Variants in GTPBP1 observed in about 807,000 individuals in gnomAD.
The protein encoded by GTPBP1 is GTP binding protein 1.
GTPBP1 carries 23 observed loss-of-function variants against 62.0 expected under a neutral mutation model. That is an observed-to-expected ratio of 0.37 (90% CI 0.27 to 0.53). The LOEUF is 0.53. Among genes scored for constraint, GTPBP1 ranks in the 20% least tolerant of loss-of-function variants. GTPBP1 has a pLI of 0.89. For missense variants in GTPBP1, 640 were observed against 917.3 expected, an observed-to-expected ratio of 0.70 and a Z score of 3.90; for synonymous variants, 344 against 364.4, an observed-to-expected ratio of 0.94 and a Z score of 0.64.
chr22:38,720,811 T>G (rs1417889582), intron 4 of GTPBP1, among the ~76,000 whole-genome samples: 3 of 152,228 alleles, frequency 2.0e-5, no homozygotes, highest in Non-Finnish European at 4.4e-5. Flanking sequence ...GTTGTGACAT[T>G]TAAACATCAA....
chr22:38,735,945 C>T, downstream of GTPBP1: 1 of 246,714 alleles, frequency 4.1e-6, no homozygotes, highest in South Asian at 5.2e-5. Flanking sequence ...GCACCAGCCC[C>T]TGACCCCAGC....
At chr22:38,735,273 G>A (rs935523946), downstream of GTPBP1, 1 of 455,508 alleles carries the variant, frequency 2.2e-6, no homozygotes, top group Admixed American at 2.4e-5. Context: ...AGAGCCCAAG[G>A]GGGCAGCCTG....
At chr22:38,721,257 T>C (rs953377981) in intron 4 of GTPBP1, among the ~76,000 whole-genome samples, 14 of 152,200 alleles carry the variant, frequency 9.2e-5, no homozygotes, top group Admixed American at 7.2e-4. Context: ...TTTTGTATTT[T>C]AGTAGAGACA....
rs1391715330 is a variant in GTPBP1, at chr22:38,723,589, TCC to T, written c.959-707_959-706del. ...CATCAGCCCAGAATCTTCTGCTACT[TCC>T]TCCCCTATTTAGTTCTTGGTCTGAA... On this transcript the variant is annotated intron_variant, in intron 5 of 11. Coordinates refer to ENST00000216044, the MANE Select transcript of GTPBP1 (RefSeq NM_004286.5). 4 of 568,326 alleles carry T rather than the reference TCC, an allele frequency of 7.0e-6. No individual in the cohort carries two copies. In the East Asian group the frequency reaches 8.7e-5, roughly 12 times the overall value. The allele number at this position is 568,326 out of a possible 1,614,324, so 35.2% of individuals were successfully genotyped here.
intron 2 of GTPBP1, among the ~76,000 whole-genome samples, chr22:38,710,629 AC>A (rs2092632859): frequency 6.6e-6 from 1 of 152,140 alleles, no homozygotes; most frequent in African/African-American, 2.4e-5. Flanking sequence ...CAAAAAAAAA[AC>A]ATTCCATTTG....
At position 38,727,433 on chromosome 22, in the gene GTPBP1, T is replaced by C; in HGVS notation, c.1537+85T>C. ...GTTCCAGCAACCCAGGCCCCCTAGTTCCAGCTGCAGCTGGGTGGTAGGCCT... is the reference window on the plus strand; with the variant it reads ...GTTCCAGCAACCCAGGCCCCCTAGTCCCAGCTGCAGCTGGGTGGTAGGCCT... On this transcript the variant is annotated intron_variant, in intron 9 of 11. Coordinates refer to ENST00000216044, the MANE Select transcript of GTPBP1 (RefSeq NM_004286.5). This position sits in a 1 kb window ranked among gnomAD's most constrained non-coding sequence, Gnocchi z 6.5. The C allele has an allele frequency of 2.3e-6, 3 of 1,323,322 alleles. No individual in the cohort carries two copies. The highest frequency in any genetic ancestry group is 3.1e-6 in the Non-Finnish European group (3 of 979,026). 82.0% of individuals were successfully genotyped at this position (1,323,322 alleles called of 1,614,324 possible).
chr22:38,719,941 T>A (rs1221683472), intron 4 of GTPBP1, among the ~76,000 whole-genome samples: 3 of 149,974 alleles, frequency 2.0e-5, no homozygotes, highest in Non-Finnish European at 4.5e-5. Flanking sequence ...TTTTTTTTTT[T>A]TTTTTGAGAC....
chr22:38,728,714 G>C (rs1016246582), intron 10 of GTPBP1: 2 of 155,162 alleles, frequency 1.3e-5, no homozygotes, highest in African/African-American at 4.8e-5. Flanking sequence ...GGCTGGCCTT[G>C]CCTCCAGAAA....
chr22:38,735,232 C>T (rs1214513827), downstream of GTPBP1: 9 of 455,970 alleles, frequency 2.0e-5, no homozygotes, highest in South Asian at 1.4e-4. Context: ...GAGAACAAAC[C>T]AGAAGGGCGA....
chr22:38,712,496 G>T (rs1320501852), intron 2 of GTPBP1, among the ~76,000 whole-genome samples: 1 of 152,166 alleles, frequency 6.6e-6, no homozygotes, highest in Non-Finnish European at 1.5e-5. Flanking sequence ...AGAGTCTAGG[G>T]AGTCTTTGCA....
chr22:38,741,342 G>A (rs1197347350), downstream of GTPBP1: 2 of 808,666 alleles, frequency 2.5e-6, no homozygotes, highest in Non-Finnish European at 4.0e-6. Context: ...CAACTAAGGG[G>A]TCGGGGGTCA....
At position 38,723,021 on chromosome 22, in the gene GTPBP1, C is replaced by A. The variant is rs982240311; in HGVS notation, c.958+1156C>A. ...GTAGTCTCAGGAAGTTTGCTCAAAT[C>A]TGACAAGAGTGGGATGTTCATGTGG... is the stretch of plus-strand genomic sequence containing the variant. On this transcript the variant is annotated intron_variant, in intron 5 of 11. Coordinates refer to ENST00000216044, the MANE Select transcript of GTPBP1 (RefSeq NM_004286.5). 12 of 812,410 alleles carry A rather than the reference C, an allele frequency of 1.5e-5. No homozygotes were observed. In the African/African-American group the frequency reaches 1.8e-4, roughly 12 times the overall value. The allele number at this position is 812,410 out of a possible 1,614,324, so 50.3% of individuals were successfully genotyped here. A position where few individuals can be genotyped will look rare whatever the true frequency, so the allele number is the denominator to read the frequency against.
intron 1 of GTPBP1, chr22:38,706,858 TAGGC>T (rs2092608116): frequency 6.6e-6 from 1 of 152,198 alleles, no homozygotes; most frequent in South Asian, 2.1e-4. Flanking sequence ...GTCGAGAAGG[TAGGC>T]AGGAATTAAG....
intron 2 of GTPBP1, among the ~76,000 whole-genome samples, chr22:38,710,873 A>G (rs1478122800): frequency 2.0e-5 from 3 of 151,974 alleles, no homozygotes; most frequent in African/African-American, 7.3e-5. Flanking sequence ...TGCCTTGACA[A>G]CTCACACCCC....
Position 38,726,537 on chromosome 22 carries a change from C to A in GTPBP1, c.1401+97C>A. The A allele has an allele frequency of 9.4e-7, 1 of 1,066,552 alleles. No individual in the cohort carries two copies. The highest frequency in any genetic ancestry group is 1.4e-6 in the Non-Finnish European group (1 of 715,880). The allele number at this position is 1,066,552 out of a possible 1,614,324, so 66.1% of individuals were successfully genotyped here. ...ACCCACTCTAGTCCTCATGGCTGCT[C>A]TGCAAGGTCGGGATTACTGGCTTCA... is the stretch of plus-strand genomic sequence containing the variant. On this transcript the variant is annotated intron_variant, in intron 8 of 11. Coordinates refer to ENST00000216044, the MANE Select transcript of GTPBP1 (RefSeq NM_004286.5). This position sits in a 1 kb window ranked among gnomAD's most constrained non-coding sequence, Gnocchi z 4.1.
At chr22:38,721,142 C>T (rs762209946) in intron 4 of GTPBP1, among the ~76,000 whole-genome samples, 11 of 152,158 alleles carry the variant, frequency 7.2e-5, no homozygotes, top group East Asian at 1.9e-4. Flanking sequence ...TGCAATGGCA[C>T]GATCTCGGCT....
chr22:38,740,169 G>A, downstream of GTPBP1: 1 of 1,405,704 alleles, frequency 7.1e-7, no homozygotes, highest in East Asian at 2.5e-5. The surrounding 1 kb of genome is among the most constrained non-coding windows in gnomAD (Gnocchi z 4.8). Flanking sequence ...GCATAACAGA[G>A]GCTGCAGGGG....
At chr22:38,738,199 C>T (rs1569294231), downstream of GTPBP1, 14 of 1,613,966 alleles carry the variant, frequency 8.7e-6, no homozygotes, top group East Asian at 2.2e-5. The surrounding 1 kb of genome is among the most constrained non-coding windows in gnomAD (Gnocchi z 6.6). Flanking sequence ...TGAATAGGCT[C>T]GCCGTCCTGA....
Position 38,730,558 on chromosome 22 carries a change from C to A in GTPBP1, c.1918-54C>A. ...CCCCGCTGCTCAGCACCTCTGCTCT[C>A]TGGCCCTGCTCCTGATGGGCCAGTG... On this transcript the variant is annotated intron_variant, in intron 11 of 11. Coordinates refer to ENST00000216044, the MANE Select transcript of GTPBP1 (RefSeq NM_004286.5). This position sits in a 1 kb window ranked among gnomAD's most constrained non-coding sequence, Gnocchi z 5.6. 1 of 1,208,692 alleles carries A rather than the reference C, an allele frequency of 8.3e-7. No homozygotes were observed. Among genetic ancestry groups the A allele is most frequent in the Non-Finnish European group, 1.2e-6 (1 of 821,836 alleles). The allele number at this position is 1,208,692 out of a possible 1,614,324, so 74.9% of individuals were successfully genotyped here.
Sources: allele counts gnomAD v4.1 joint callset (sites outside exome capture counted in the v4.1 genomes callset), GRCh38; gene constraint gnomAD v4.1.1; non-coding constraint Gnocchi (gnomAD v3.1); transcripts MANE v1.5; gene names NCBI Gene and HGNC (gene_info 2026-07-23, HGNC 2026-07-21).